TRPS1: variants seen among roughly 807,000 people sequenced by gnomAD.
TRPS1 encodes the protein transcriptional repressor GATA binding 1, also known as zinc finger transcription factor Trps1.
In TRPS1, 6 loss-of-function variants were observed where a neutral mutation model predicts 101.2. The ratio of observed to expected loss-of-function variants is 0.06; its 90% CI spans 0.03 to 0.12. The LOEUF (loss-of-function observed/expected upper bound fraction) is 0.12, where lower values mean the gene tolerates loss of function less well. Among genes scored for constraint, TRPS1 ranks in the 10% least tolerant of loss-of-function variants. The probability of loss-of-function intolerance (pLI) is 1.00; values close to 1 mark genes in which losing one functional copy is unlikely to be tolerated. For synonymous variants in TRPS1, 578 were observed against 589.8 expected (o/e 0.98, Z 0.29); for missense variants, 1,363 against 1,567.0 (o/e 0.87, Z 2.20).
intron 5 of TRPS1, among the ~76,000 whole-genome samples, chr8:115,484,681 G>A (rs1406722128): frequency 6.6e-6 from 1 of 152,150 alleles, no homozygotes. Context: ...TTAATGTGAT[G>A]TCCTACAATG....
intron 5 of TRPS1, among the ~76,000 whole-genome samples, chr8:115,431,809 TAC>T (rs1813325325): frequency 6.6e-6 from 1 of 151,986 alleles, no homozygotes; most frequent in Non-Finnish European, 1.5e-5. Context: ...CTTGGGTTTA[TAC>T]AGACCCAGAC....
intron 3 of TRPS1, among the ~76,000 whole-genome samples, chr8:115,615,611 A>G (rs1300346737): frequency 6.6e-6 from 1 of 152,076 alleles, no homozygotes; most frequent in Non-Finnish European, 1.5e-5. Context: ...ATACAAAAAA[A>G]TTAGCTGGGC....
At chr8:115,636,088 T>C (rs969667257) in intron 1 of TRPS1, among the ~76,000 whole-genome samples, 1 of 106,652 alleles carries the variant, frequency 9.4e-6, no homozygotes, top group Admixed American at 8.8e-5. Context: ...ATAATGCCAA[T>C]CGTCCTTTTT....
chr8:115,439,155 G>A (rs910499053), intron 5 of TRPS1, among the ~76,000 whole-genome samples: 4 of 152,150 alleles, frequency 2.6e-5, no homozygotes, highest in African/African-American at 9.7e-5. Flanking sequence ...GTCCTACCTG[G>A]GACTATTTTT....
At chr8:115,452,584 G>A (rs1048574771) in intron 5 of TRPS1, among the ~76,000 whole-genome samples, 1 of 152,194 alleles carries the variant, frequency 6.6e-6, no homozygotes, top group Non-Finnish European at 1.5e-5. Flanking sequence ...TCTCTTTGAT[G>A]TGATAACGTT....
intron 4 of TRPS1, among the ~76,000 whole-genome samples, chr8:115,594,611 T>C (rs1204777452): frequency 0.02 from 3 of 150 alleles, no homozygotes; most frequent in East Asian, 0.5. Flanking sequence ...AGAACCTCTG[T>C]GAAAAATGTT....
chr8:115,668,567 A>G lies in TRPS1; in HGVS notation c.-144T>C, dbSNP rs901778846. 1 of 147,862 alleles carries G rather than the reference A, an allele frequency of 6.8e-6. No homozygotes were observed. The highest frequency in any genetic ancestry group is 2.5e-5 in the African/African-American group (1 of 40,314). 9.2% of individuals were successfully genotyped at this position (147,862 alleles called of 1,614,324 possible). A position where few individuals can be genotyped will look rare whatever the true frequency, so the allele number is the denominator to read the frequency against. ...TACCTGTTGATTAATCGTCAAGAAC[A>G]CCCTCGGCAGCCCGAAAGATGGTGG... On this transcript the variant is annotated 5_prime_UTR_variant, in exon 1 of 7. Coordinates refer to ENST00000395715, the MANE Select transcript of TRPS1 (RefSeq NM_014112.5).
chr8:115,533,460 C>CTTTTTTTTTT (rs1816200851), intron 5 of TRPS1, among the ~76,000 whole-genome samples: 2 of 95,998 alleles, frequency 2.1e-5, no homozygotes, highest in Non-Finnish European at 3.7e-5. Flanking sequence ...TTTTTTTTTT[C>CTTTTTTTTTT]CTGAAAAAAA....
chr8:115,525,401 C>T (rs1185472686), intron 5 of TRPS1, among the ~76,000 whole-genome samples: 1 of 152,060 alleles, frequency 6.6e-6, no homozygotes, highest in African/African-American at 2.4e-5. Flanking sequence ...ATCAGGCTCA[C>T]TCAGCGTTCC....
chr8:115,472,108 G>A (rs945510119), intron 5 of TRPS1, among the ~76,000 whole-genome samples: 2 of 152,160 alleles, frequency 1.3e-5, no homozygotes, highest in Non-Finnish European at 2.9e-5. Flanking sequence ...ACTCTTTGTG[G>A]GGGGGCTCCT....
chr8:115,528,104 A>C (rs1431010534), intron 5 of TRPS1, among the ~76,000 whole-genome samples: 1 of 152,122 alleles, frequency 6.6e-6, no homozygotes, highest in Non-Finnish European at 1.5e-5. Flanking sequence ...ATCACTGCAG[A>C]AAAAAGTAAG....
intron 3 of TRPS1, among the ~76,000 whole-genome samples, chr8:115,609,740 T>C (rs1233199317): frequency 6.6e-6 from 1 of 152,238 alleles, no homozygotes; most frequent in Non-Finnish European, 1.5e-5. Context: ...TAAAGTCTTT[T>C]TCACTGACTA....
At chr8:115,571,447 T>C (rs369267175) in intron 5 of TRPS1, among the ~76,000 whole-genome samples, 28 of 152,278 alleles carry the variant, frequency 1.8e-4, no homozygotes, top group African/African-American at 6.0e-4. Flanking sequence ...CAGATCCAAA[T>C]TGTTTACAAG....
intron 3 of TRPS1, among the ~76,000 whole-genome samples, chr8:115,607,012 G>A (rs1818053488): frequency 2.0e-5 from 3 of 151,904 alleles, no homozygotes; most frequent in Non-Finnish European, 2.9e-5. Flanking sequence ...GCCTTGCCAA[G>A]CTTCCCTATT....
chr8:115,464,971 T>C (rs1019319833), intron 5 of TRPS1, among the ~76,000 whole-genome samples: 4 of 152,128 alleles, frequency 2.6e-5, no homozygotes, highest in South Asian at 2.1e-4. Flanking sequence ...AAGCAAAGTT[T>C]AATCTGAAAA....
At chr8:115,433,345 C>T (rs1586268863) in intron 5 of TRPS1, among the ~76,000 whole-genome samples, 1 of 151,962 alleles carries the variant, frequency 6.6e-6, no homozygotes, top group East Asian at 1.9e-4. Context: ...AAGTTTCTTA[C>T]AGAACACAAA....
intron 5 of TRPS1, among the ~76,000 whole-genome samples, chr8:115,467,727 A>T (rs1814359897): frequency 6.6e-6 from 1 of 152,222 alleles, no homozygotes; most frequent in South Asian, 2.1e-4. Context: ...ATAAGAAAGC[A>T]GTCCTGAACA....
chr8:115,592,680 C>T (rs754186162), intron 4 of TRPS1, among the ~76,000 whole-genome samples: 1 of 75,228 alleles, frequency 1.3e-5, no homozygotes, highest in Non-Finnish European at 2.5e-5. Flanking sequence ...TTTCAATAAC[C>T]TATACTAAAA....
intron 5 of TRPS1, among the ~76,000 whole-genome samples, chr8:115,580,245 A>T (rs71303468): frequency 0.18 from 24,624 of 139,732 alleles, 2,625 homozygotes; most frequent in Middle Eastern, 0.28. Flanking sequence ...AAAAAAAAAA[A>T]ATATATATAT....
Sources: allele counts gnomAD v4.1 joint callset (sites outside exome capture counted in the v4.1 genomes callset), GRCh38; gene constraint gnomAD v4.1.1; transcripts MANE v1.5; gene names NCBI Gene and HGNC (gene_info 2026-07-23, HGNC 2026-07-21).